The following PXMP2 variants were observed in gnomAD, a reference collection of about 807,000 sequenced individuals.
PXMP2 encodes the protein peroxisomal membrane protein 2.
PXMP2 carries 13 observed loss-of-function variants against 20.2 expected under a neutral mutation model. The ratio of observed to expected loss-of-function variants is 0.64; its 90% CI spans 0.42 to 1.02. PXMP2 has a LOEUF of 1.02. Among genes scored for constraint, PXMP2 ranks in the 50% least tolerant of loss-of-function variants. The pLI, the probability that PXMP2 is intolerant of heterozygous loss-of-function variation, is 0.00. For missense variants in PXMP2, 284 were observed against 251.8 expected, an observed-to-expected ratio of 1.13 and a Z score of -0.87; for synonymous variants, 113 against 111.2, an observed-to-expected ratio of 1.02 and a Z score of -0.10.
chr12:132,700,428 T>G (rs946403446), intron 3 of PXMP2, among the ~76,000 whole-genome samples: 1 of 152,010 alleles, frequency 6.6e-6, no homozygotes, highest in African/African-American at 2.4e-5. Context: ...CTCTGATGAT[T>G]AGTGATGTTG....
At chr12:132,693,587 GCGCC>G (rs2043386656) in intron 2 of PXMP2, among the ~76,000 whole-genome samples, 1 of 80,132 alleles carries the variant, frequency 1.2e-5, no homozygotes, top group African/African-American at 4.3e-5. Context: ...CAGTTAGTGA[GCGCC>G]CTTGCCAGTT....
Position 132,696,757 on chromosome 12 carries a change from G to A in PXMP2, c.399+711G>A, listed in dbSNP as rs1251202897. Among the ~76,000 whole-genome samples the A allele has an allele frequency of 2.0e-5, 3 of 152,036 alleles. No homozygotes were observed. The highest frequency in any genetic ancestry group is 4.8e-5 in the African/African-American group (2 of 41,390). On this transcript the variant is annotated intron_variant, in intron 3 of 4. Coordinates refer to ENST00000317479, the MANE Select transcript of PXMP2 (RefSeq NM_018663.3). This position sits in a 1 kb window ranked among gnomAD's most constrained non-coding sequence, Gnocchi z 4.4. ...GGAGCTTGCCGTGAGCCGAGATGTC[G>A]CCACTGCACTCTAGCCTGGGTAATA...
At chr12:132,690,064 A>G (rs987021031) in intron 1 of PXMP2, among the ~76,000 whole-genome samples, 199 bp from the exon 2 acceptor site, 2 of 152,236 alleles carry the variant, frequency 1.3e-5, no homozygotes, top group Non-Finnish European at 2.9e-5. Context: ...CTGGAAAGCC[A>G]CTTGTCCTTA....
intron 3 of PXMP2, among the ~76,000 whole-genome samples, chr12:132,700,478 C>G (rs189511750): frequency 4.6e-5 from 7 of 152,246 alleles, no homozygotes; most frequent in Non-Finnish European, 7.4e-5. Context: ...TGTTTTTCTT[C>G]TTTTGAAAAA....
intron 4 of PXMP2, chr12:132,702,570 C>G: frequency 3.7e-6 from 1 of 271,284 alleles, no homozygotes; most frequent in Non-Finnish European, 7.5e-6. Context: ...AGAAGGTATG[C>G]CGCCCATCAG....
intron 2 of PXMP2, among the ~76,000 whole-genome samples, chr12:132,692,872 T>A (rs1188069032): frequency 2.7e-4 from 22 of 81,138 alleles, no homozygotes; most frequent in Non-Finnish European, 4.7e-4. Flanking sequence ...GTTAGTGAGC[T>A]CCCTTGCCAG....
At chr12:132,694,678 G>A (rs1593106356) in intron 2 of PXMP2, among the ~76,000 whole-genome samples, 2 of 134,528 alleles carry the variant, frequency 1.5e-5, no homozygotes, top group African/African-American at 5.7e-5. Context: ...CAGTTAGTTA[G>A]TGAGCTCCCT....
At chr12:132,692,662 C>T (rs1237179428) in intron 2 of PXMP2, among the ~76,000 whole-genome samples, 16 of 141,662 alleles carry the variant, frequency 1.1e-4, no homozygotes, top group African/African-American at 2.5e-4. Context: ...AGTTAGTGAG[C>T]GCCCTTAGCC....
Position 132,704,625 on chromosome 12 carries a change from GTGCTCTTCGCCAACCTGGCAGCTCTGT to G in PXMP2, c.528_554del (p.Leu177_Phe185del). ...GGACTGTTCTTTTCGGCAGTTCCGGGTGCTCTTCGCCAACCTGGCAGCTCTGTTCTGGTATGCCTACCTGGCCTCCTT... is the reference window on the plus strand; with the variant it reads ...GGACTGTTCTTTTCGGCAGTTCCGGGTCTGGTATGCCTACCTGGCCTCCTT... On this transcript the variant is annotated inframe_deletion, in exon 5 of 5. Transcript: ENST00000317479. 2.1e-6 allele frequency: 3 copies of G among 1,452,248 alleles called. No individual in the cohort carries two copies. Among genetic ancestry groups the G allele is most frequent in the Non-Finnish European group, 2.7e-6 (3 of 1,096,322 alleles). 90.0% of individuals were successfully genotyped at this position (1,452,248 alleles called of 1,614,324 possible). A position where few individuals can be genotyped will look rare whatever the true frequency, so the allele number is the denominator to read the frequency against.
chr12:132,704,200 T>C lies in PXMP2; in HGVS notation c.520-419T>C, dbSNP rs146260088. Among the ~76,000 whole-genome samples the C allele has an allele frequency of 1.8e-3, 276 of 151,894 alleles. 2 individuals are homozygous for C. Among genetic ancestry groups the C allele is most frequent in the African/African-American group, 6.4e-3 (266 of 41,408 alleles). ...CTGCTGAGTCACCAAAGCAGGGCAG[T>C]GGGATGGTGATGGGTTAGAGGAGGG... is the stretch of plus-strand genomic sequence containing the variant. On this transcript the variant is annotated intron_variant, in intron 4 of 4. Transcript: ENST00000317479.
rs1309131330 is a variant in PXMP2 at position 132,701,332 on chromosome 12, C to T, written c.482C>T (p.Pro161Leu). The change falls in exon 4 of 5, where the codon CCA becomes CTA. Residue 161 changes from proline to leucine, a missense_variant. Physicochemically the swap from Pro to Leu is moderately conservative, Grantham distance 98. Coordinates refer to ENST00000317479, the MANE Select transcript of PXMP2 (RefSeq NM_018663.3). ...AGGATGAACTGGCGGGTGTGGACGC[C>T]ACTACAGTTCATCAACATCAACTAC... ...ALRMNWRVWT[P>L]LQFININYVP... 1 of 1,613,004 alleles carries T rather than the reference C, an allele frequency of 6.2e-7. No homozygotes were observed. Among genetic ancestry groups the T allele is most frequent in the Non-Finnish European group, 8.5e-7 (1 of 1,179,844 alleles).
chr12:132,692,545 T>TA (rs752774554), intron 2 of PXMP2, among the ~76,000 whole-genome samples: 2 of 108,202 alleles, frequency 1.8e-5, no homozygotes. Context: ...TGAGCGCCCT[T>TA]GCCAGTTAGT....
At chr12:132,699,359 C>T (rs772681370) in intron 3 of PXMP2, among the ~76,000 whole-genome samples, 1 of 151,906 alleles carries the variant, frequency 6.6e-6, no homozygotes, top group African/African-American at 2.4e-5. Context: ...CCAAGTGAGC[C>T]GACATCACGC....
At chr12:132,694,950 TA>T (rs2043401976) in intron 2 of PXMP2, among the ~76,000 whole-genome samples, 1 of 72,414 alleles carries the variant, frequency 1.4e-5, no homozygotes, top group Non-Finnish European at 4.2e-5. Flanking sequence ...GCCAGTTAGT[TA>T]GTGAGCTCCC....
rs977761463 is a variant in PXMP2, at chr12:132,696,993, A to G, written c.399+947A>G. Among the ~76,000 whole-genome samples the G allele has an allele frequency of 6.6e-6, 1 of 151,638 alleles. No individual in the cohort carries two copies. The highest frequency in any genetic ancestry group is 1.5e-5 in the Non-Finnish European group (1 of 67,918). On this transcript the variant is annotated intron_variant, in intron 3 of 4. Transcript: ENST00000317479. The surrounding 1 kb of genome is among the most constrained non-coding windows in gnomAD (Gnocchi z 4.4). ...CTGCCTCAAAAAAAAAAGAAAAAAGAAAAAAGAAACAGGGCCGGGCATGAT... is the reference window on the plus strand; with the variant it reads ...CTGCCTCAAAAAAAAAAGAAAAAAGGAAAAAGAAACAGGGCCGGGCATGAT...
chr12:132,703,048 G>A (rs1477346156), intron 4 of PXMP2, among the ~76,000 whole-genome samples: 1 of 152,236 alleles, frequency 6.6e-6, no homozygotes. Flanking sequence ...GCCCTTCCCA[G>A]AGCAATTTCA....
rs1245993772 is a variant in PXMP2, at chr12:132,697,703, G to C, written c.399+1657G>C. On this transcript the variant is annotated intron_variant, in intron 3 of 4. Coordinates refer to ENST00000317479, the MANE Select transcript of PXMP2 (RefSeq NM_018663.3). ...TTACAAGCGTGAGCCACTGCGCCCA[G>C]CCGTATTTTATTTTATAGATTACAA... 7.6e-4 allele frequency among the ~76,000 whole-genome samples: 116 copies of C among 152,234 alleles called. 1 individual carries two copies. The highest frequency in any genetic ancestry group is 5.9e-5 in the Non-Finnish European group (4 of 68,024).
At chr12:132,701,082 G>A (rs2043436960) in intron 3 of PXMP2, among the ~76,000 whole-genome samples, 168 bp from the exon 4 acceptor site, 1 of 152,152 alleles carries the variant, frequency 6.6e-6, no homozygotes, top group South Asian at 2.1e-4. Flanking sequence ...CCATCTTGCT[G>A]GTTGGCTCCT....
rs2043440039 is a variant in PXMP2 at position 132,701,337 on chromosome 12, C to G, written c.487C>G (p.Gln163Glu). Residue 163 changes from glutamine (Q) to glutamate (E), a missense_variant, in exon 4 of 5, where the codon CAG (glutamine) becomes GAG (glutamate). By Grantham distance (29) the Gln-to-Glu change is conservative. Coordinates refer to ENST00000317479, the MANE Select transcript of PXMP2 (RefSeq NM_018663.3). ...RMNWRVWTPL[Q>E]FININYVPLK... ...GAACTGGCGGGTGTGGACGCCACTA[C>G]AGTTCATCAACATCAACTACGTCCC... is the stretch of plus-strand genomic sequence containing the variant. 6.2e-7 allele frequency: 1 copy of G among 1,613,210 alleles called. No homozygotes were observed. Among genetic ancestry groups the G allele is most frequent in the East Asian group, 2.2e-5 (1 of 44,774 alleles).
Sources: allele counts gnomAD v4.1 joint callset (sites outside exome capture counted in the v4.1 genomes callset), GRCh38; gene constraint gnomAD v4.1.1; non-coding constraint Gnocchi (gnomAD v3.1); transcripts MANE v1.5; gene names NCBI Gene and HGNC (gene_info 2026-07-23, HGNC 2026-07-21).